The following THSD7A variants were observed in gnomAD, a reference collection of about 807,000 sequenced individuals.
The protein encoded by THSD7A is thrombospondin type-1 domain-containing protein 7A.
THSD7A carries 96 observed loss-of-function variants against 231.3 expected under a neutral mutation model. The ratio of observed to expected loss-of-function variants is 0.41; its 90% CI spans 0.35 to 0.49. The LOEUF (loss-of-function observed/expected upper bound fraction) is 0.49, where lower values mean the gene tolerates loss of function less well. Among genes scored for constraint, THSD7A ranks in the 20% least tolerant of loss-of-function variants. THSD7A has a pLI of 0.05. For missense variants in THSD7A, 2,290 were observed against 2,070.2 expected (o/e 1.11, Z -2.06); for synonymous variants, 940 against 743.3 (o/e 1.26, Z -4.30).
At chr7:11,554,275 T>C (rs1483787000) in intron 4 of THSD7A, among the ~76,000 whole-genome samples, 1 of 152,014 alleles carries the variant, frequency 6.6e-6, no homozygotes, top group African/African-American at 2.4e-5. Context: ...GGTGTCCTTA[T>C]GAGAAGGCCA....
At chr7:11,557,508 A>G (rs946062694) in intron 4 of THSD7A, among the ~76,000 whole-genome samples, 3 of 151,994 alleles carry the variant, frequency 2.0e-5, no homozygotes, top group South Asian at 2.1e-4. Context: ...GGTTCTTGGC[A>G]TAAGGAGTGA....
intron 1 of THSD7A, among the ~76,000 whole-genome samples, chr7:11,777,815 T>C (rs1783466375): frequency 6.6e-6 from 1 of 151,940 alleles, no homozygotes; most frequent in African/African-American, 2.4e-5. Flanking sequence ...CCTGAATGTA[T>C]CACACCATGG....
chr7:11,400,310 T>C (rs1265947619), intron 23 of THSD7A, among the ~76,000 whole-genome samples: 1 of 152,156 alleles, frequency 6.6e-6, no homozygotes, highest in African/African-American at 2.4e-5. Flanking sequence ...TAAAGTATAA[T>C]TAAAAAAATT....
chr7:11,462,893 C>G (rs1291975498), intron 9 of THSD7A, among the ~76,000 whole-genome samples: 4 of 152,090 alleles, frequency 2.6e-5, no homozygotes, highest in African/African-American at 9.7e-5. Context: ...ATTCAAAAAT[C>G]TTTTAGTATA....
At chr7:11,730,687 A>C (rs1424387727) in intron 1 of THSD7A, among the ~76,000 whole-genome samples, 1 of 151,648 alleles carries the variant, frequency 6.6e-6, no homozygotes, top group Non-Finnish European at 1.5e-5. Context: ...ACTCATGTTC[A>C]GTTCTTTTAT....
chr7:11,601,130 C>T (rs1036058853), intron 2 of THSD7A, among the ~76,000 whole-genome samples: 2 of 152,304 alleles, frequency 1.3e-5, no homozygotes, highest in African/African-American at 4.8e-5. Flanking sequence ...CAAAACTCTA[C>T]ATATTTCACT....
intron 4 of THSD7A, among the ~76,000 whole-genome samples, chr7:11,571,700 C>T (rs752421132): frequency 1.3e-5 from 2 of 152,072 alleles, no homozygotes; most frequent in Non-Finnish European, 2.9e-5. Flanking sequence ...CAAATGTAGT[C>T]GTTCAGTTTT....
chr7:11,545,575 C>T (rs1343483291), intron 4 of THSD7A, among the ~76,000 whole-genome samples: 1 of 152,080 alleles, frequency 6.6e-6, no homozygotes, highest in African/African-American at 2.4e-5. Context: ...GAAGAGGAAG[C>T]TGGGAACTCT....
chr7:11,393,164 C>T (rs952925589), intron 23 of THSD7A, among the ~76,000 whole-genome samples: 2 of 152,200 alleles, frequency 1.3e-5, no homozygotes, highest in Non-Finnish European at 2.9e-5. Context: ...GCAGGTGCCC[C>T]TCTGGGATGA....
intron 1 of THSD7A, among the ~76,000 whole-genome samples, chr7:11,645,216 T>G (rs1252662498): frequency 6.6e-6 from 1 of 151,864 alleles, no homozygotes; most frequent in Non-Finnish European, 1.5e-5. Flanking sequence ...TTTCCTCTCC[T>G]GTAAATTATT....
intron 2 of THSD7A, among the ~76,000 whole-genome samples, chr7:11,626,153 C>T (rs1168850714): frequency 2.0e-5 from 3 of 152,000 alleles, no homozygotes; most frequent in Non-Finnish European, 2.9e-5. Flanking sequence ...TACCTAGGAC[C>T]CTCTTTTTAT....
At chr7:11,557,487 G>A (rs1041310152) in intron 4 of THSD7A, among the ~76,000 whole-genome samples, 1 of 151,690 alleles carries the variant, frequency 6.6e-6, no homozygotes, top group Non-Finnish European at 1.5e-5. Flanking sequence ...CGTTGAATCT[G>A]GTAACTCCCT....
In THSD7A at chr7:11,406,548, C is replaced by T; in HGVS notation, c.4063-74G>A. 1.4e-6 allele frequency: 2 copies of T among 1,397,530 alleles called. No individual in the cohort carries two copies. Among genetic ancestry groups the T allele is most frequent in the Non-Finnish European group, 1.9e-6 (2 of 1,044,848 alleles). The allele number at this position is 1,397,530 out of a possible 1,614,324, so 86.6% of individuals were successfully genotyped here. On this transcript the variant is annotated intron_variant, in intron 21 of 27. Coordinates refer to ENST00000423059, the MANE Select transcript of THSD7A (RefSeq NM_015204.3). This position sits in a 1 kb window ranked among gnomAD's most constrained non-coding sequence, Gnocchi z 4.7. Reference sequence around the variant, plus strand: ...TAGAGAGCTCATCACTTAGTTATCTCTGCACCACTGACTTTGATTTATGAA... The same window carrying T: ...TAGAGAGCTCATCACTTAGTTATCTTTGCACCACTGACTTTGATTTATGAA...
intron 6 of THSD7A, among the ~76,000 whole-genome samples, chr7:11,533,656 C>T (rs1327263945): frequency 6.6e-6 from 1 of 152,174 alleles, no homozygotes; most frequent in Middle Eastern, 3.4e-3. Flanking sequence ...AACCAAATAC[C>T]ACAAGTTCTC....
chr7:11,438,737 T>C (rs1784710375), intron 13 of THSD7A, among the ~76,000 whole-genome samples: 1 of 151,994 alleles, frequency 6.6e-6, no homozygotes, highest in African/African-American at 2.4e-5. Flanking sequence ...CAGTATGATG[T>C]CCACATGGCA....
chr7:11,694,026 A>G (rs935685536), intron 1 of THSD7A, among the ~76,000 whole-genome samples: 2 of 151,646 alleles, frequency 1.3e-5, no homozygotes, highest in African/African-American at 4.8e-5. Flanking sequence ...GTAGTCAGAA[A>G]AGTTTTCAGT....
intron 1 of THSD7A, among the ~76,000 whole-genome samples, chr7:11,823,452 C>G (rs543522914): frequency 1.3e-5 from 2 of 151,766 alleles, no homozygotes; most frequent in South Asian, 4.2e-4. Context: ...TTTTATGGCT[C>G]CATATGAATT....
chr7:11,501,299 A>T (rs1562661647), intron 6 of THSD7A, among the ~76,000 whole-genome samples: 2 of 152,150 alleles, frequency 1.3e-5, no homozygotes, highest in African/African-American at 2.4e-5. Flanking sequence ...CTATACAGAA[A>T]TCTCCACCCA....
At chr7:11,753,269 G>A (rs971061772) in intron 1 of THSD7A, among the ~76,000 whole-genome samples, 1 of 151,960 alleles carries the variant, frequency 6.6e-6, no homozygotes, top group Non-Finnish European at 1.5e-5. Context: ...AAATTAATTT[G>A]CATTTCTAAA....
Sources: allele counts gnomAD v4.1 joint callset (sites outside exome capture counted in the v4.1 genomes callset), GRCh38; gene constraint gnomAD v4.1.1; non-coding constraint Gnocchi (gnomAD v3.1); transcripts MANE v1.5; gene names NCBI Gene and HGNC (gene_info 2026-07-23, HGNC 2026-07-21).